Variants in CACNA2D3 observed in about 807,000 individuals in gnomAD.
CACNA2D3 encodes voltage-dependent calcium channel subunit alpha-2/delta-3.
Under a neutral mutation model 160.6 loss-of-function variants are expected in CACNA2D3, and 60 were observed. The observed-to-expected ratio is 0.37, with a 90% CI of 0.30 to 0.46. The LOEUF is 0.46. Among genes scored for constraint, CACNA2D3 ranks in the 20% least tolerant of loss-of-function variants. CACNA2D3 has a pLI of 1.00. For synonymous variants in CACNA2D3, 558 were observed against 492.9 expected (o/e 1.13, Z -1.75); for missense variants, 1,205 against 1,365.0 (o/e 0.88, Z 1.85).
intron 12 of CACNA2D3, among the ~76,000 whole-genome samples, chr3:54,753,412 T>C (rs752112574): frequency 6.6e-6 from 1 of 152,186 alleles, no homozygotes; most frequent in Admixed American, 6.5e-5. Context: ...TGTGGTGGTG[T>C]TGGTACTCTC....
chr3:54,577,324 C>T (rs554522686), intron 8 of CACNA2D3, among the ~76,000 whole-genome samples: 127 of 152,212 alleles, frequency 8.3e-4, no homozygotes, highest in African/African-American at 2.6e-3. Flanking sequence ...CCCTATCTGC[C>T]AAAGACCCCG....
At chr3:54,300,064 T>G (rs1350886058) in intron 2 of CACNA2D3, among the ~76,000 whole-genome samples, 1 of 152,250 alleles carries the variant, frequency 6.6e-6, no homozygotes, top group African/African-American at 2.4e-5. Flanking sequence ...AGAGGTTAGT[T>G]TAAAAGTTAA....
intron 5 of CACNA2D3, among the ~76,000 whole-genome samples, chr3:54,547,446 A>G (rs2106677051): frequency 6.6e-6 from 1 of 152,264 alleles, no homozygotes; most frequent in South Asian, 2.1e-4. Flanking sequence ...ATTTGCTCAC[A>G]GATGATATTG....
intron 31 of CACNA2D3, among the ~76,000 whole-genome samples, chr3:54,996,868 T>C (rs1357233714): frequency 3.9e-5 from 6 of 152,222 alleles, no homozygotes; most frequent in Admixed American, 3.9e-4. Context: ...TCGTGTCCTT[T>C]GCAGGGACAT....
chr3:54,517,596 C>G (rs545329867), intron 5 of CACNA2D3, among the ~76,000 whole-genome samples: 1 of 151,618 alleles, frequency 6.6e-6, no homozygotes. Context: ...AGAGCTGTTG[C>G]GTTCCTTCAA....
intron 35 of CACNA2D3, among the ~76,000 whole-genome samples, chr3:55,028,685 CAT>C (rs1192548825): frequency 3.3e-5 from 5 of 152,178 alleles, no homozygotes; most frequent in African/African-American, 1.2e-4. Flanking sequence ...ACTTTAAACA[CAT>C]GTAACATTTT....
At chr3:54,168,187 T>A (rs4928004) in intron 2 of CACNA2D3, among the ~76,000 whole-genome samples, 107,265 of 152,110 alleles carry the variant, frequency 0.71, 37,949 homozygotes, top group South Asian at 0.79. Flanking sequence ...AGAGAACAGT[T>A]AAGTGGCTGG....
chr3:54,201,675 C>G (rs951719309), intron 2 of CACNA2D3, among the ~76,000 whole-genome samples: 1 of 152,064 alleles, frequency 6.6e-6, no homozygotes, highest in African/African-American at 2.4e-5. Context: ...ATGAAATTAT[C>G]GAAAGACTGT....
chr3:54,564,543 A>G (rs1443278198), intron 6 of CACNA2D3, among the ~76,000 whole-genome samples: 1 of 152,186 alleles, frequency 6.6e-6, no homozygotes, highest in East Asian at 1.9e-4. Context: ...TGCCTCCTGG[A>G]CATGTGACTC....
chr3:54,995,119 G>A lies in CACNA2D3; in HGVS notation c.2690+7366G>A, dbSNP rs148218912. 7.4e-3 allele frequency among the ~76,000 whole-genome samples: 1,124 copies of A among 152,070 alleles called. 7 individuals are homozygous for A. The highest frequency in any genetic ancestry group is 0.01 in the Non-Finnish European group (681 of 67,972). On this transcript the variant is annotated intron_variant, in intron 31 of 37. Coordinates refer to ENST00000474759, the MANE Select transcript of CACNA2D3 (RefSeq NM_018398.3). ...CTCCTGAGTAGCTGGGATTACAGGC[G>A]CCCGCCACCATGCCCAGTTAATTTC...
chr3:54,759,805 C>T lies in CACNA2D3; in HGVS notation c.1247-4413C>T, dbSNP rs947251275. On this transcript the variant is annotated intron_variant, in intron 12 of 37. Transcript: ENST00000474759. ...TGGGGGAGGAGCTCTGAGCTGCTCT[C>T]CTGTCCCTTCCCAGCAGCGAAAGAG... is the stretch of plus-strand genomic sequence containing the variant. Among the ~76,000 whole-genome samples the T allele has an allele frequency of 3.7e-4, 56 of 152,210 alleles. 1 individual carries two copies. Among genetic ancestry groups the T allele is most frequent in the Non-Finnish European group, 1.9e-4 (13 of 68,034 alleles).
intron 4 of CACNA2D3, among the ~76,000 whole-genome samples, chr3:54,421,935 G>C (rs1699841840): frequency 6.6e-6 from 1 of 152,092 alleles, no homozygotes; most frequent in Admixed American, 6.6e-5. Flanking sequence ...CACACCGAGA[G>C]CCTTATGAAT....
At chr3:54,740,911 A>T (rs964555369) in intron 11 of CACNA2D3, among the ~76,000 whole-genome samples, 5 of 152,194 alleles carry the variant, frequency 3.3e-5, no homozygotes, top group Non-Finnish European at 5.9e-5. Context: ...TGACTCCTCG[A>T]CCTGTAACCT....
At chr3:54,708,572 T>C (rs570428033) in intron 11 of CACNA2D3, among the ~76,000 whole-genome samples, 15 of 152,310 alleles carry the variant, frequency 9.8e-5, no homozygotes, top group Non-Finnish European at 1.9e-4. Context: ...AATCTTAGCA[T>C]TGAATACCCC....
chr3:54,880,528 C>G (rs1358366230), intron 20 of CACNA2D3, among the ~76,000 whole-genome samples: 6 of 152,108 alleles, frequency 3.9e-5, no homozygotes, highest in Middle Eastern at 3.2e-3. Flanking sequence ...GCTGGAAGGG[C>G]GAGCAGTTTG....
intron 5 of CACNA2D3, among the ~76,000 whole-genome samples, chr3:54,549,553 G>T (rs950327440): frequency 2.0e-5 from 3 of 152,176 alleles, no homozygotes; most frequent in Non-Finnish European, 4.4e-5. Flanking sequence ...TGCGTGCCGT[G>T]TCTGGGCCCA....
intron 35 of CACNA2D3, among the ~76,000 whole-genome samples, chr3:55,070,489 A>G (rs1179220809): frequency 1.3e-5 from 2 of 152,186 alleles, no homozygotes; most frequent in African/African-American, 4.8e-5. Context: ...AGGAAGGGCT[A>G]GTAGATGAGG....
At chr3:54,764,632 G>C (rs990360823) in intron 13 of CACNA2D3, among the ~76,000 whole-genome samples, 2 of 152,140 alleles carry the variant, frequency 1.3e-5, no homozygotes, top group Non-Finnish European at 2.9e-5. Flanking sequence ...TTTCACATGT[G>C]TTCAAATTCT....
chr3:54,272,318 A>G (rs182680955), intron 2 of CACNA2D3, among the ~76,000 whole-genome samples: 2 of 152,166 alleles, frequency 1.3e-5, no homozygotes, highest in African/African-American at 4.8e-5. Flanking sequence ...GCTTCACCCC[A>G]GCTGCTTGCA....
Sources: allele counts gnomAD v4.1 joint callset (sites outside exome capture counted in the v4.1 genomes callset), GRCh38; gene constraint gnomAD v4.1.1; transcripts MANE v1.5; gene names NCBI Gene and HGNC (gene_info 2026-07-23, HGNC 2026-07-21).